The following NELL1 variants were observed in gnomAD, a reference collection of about 807,000 sequenced individuals.
NELL1 encodes the protein neural EGFL like 1.
A neutral mutation model predicts 107.4 loss-of-function variants in NELL1; 76 were observed. That is an observed-to-expected ratio of 0.71 (90% confidence interval 0.59 to 0.86). The LOEUF (loss-of-function observed/expected upper bound fraction) is 0.86, where lower values mean the gene tolerates loss of function less well. NELL1 is among the 40% of genes least tolerant of loss of function. The probability of loss-of-function intolerance (pLI) is 0.00; values close to 1 mark genes in which losing one functional copy is unlikely to be tolerated. For missense variants in NELL1, 1,024 were observed against 1,005.5 expected (o/e 1.02, Z -0.25); for synonymous variants, 353 against 341.2 (o/e 1.03, Z -0.38).
intron 14 of NELL1, among the ~76,000 whole-genome samples, chr11:21,311,585 C>A (rs1849751048): frequency 6.6e-6 from 1 of 152,090 alleles, no homozygotes. Flanking sequence ...CTATTAATGC[C>A]TCAATTAACT....
At chr11:20,892,638 G>A (rs1001798796) in intron 5 of NELL1, among the ~76,000 whole-genome samples, 2 of 152,172 alleles carry the variant, frequency 1.3e-5, no homozygotes, top group South Asian at 2.1e-4. Flanking sequence ...GCGGCCGGGC[G>A]CAGTGGCTCA....
intron 13 of NELL1, among the ~76,000 whole-genome samples, chr11:21,209,794 G>A (rs1857462464): frequency 6.6e-6 from 1 of 152,084 alleles, no homozygotes. Flanking sequence ...AAAAAAAGAA[G>A]CGAAGCTATT....
chr11:21,274,543 G>A (rs1470849330), intron 14 of NELL1, among the ~76,000 whole-genome samples: 4 of 152,132 alleles, frequency 2.6e-5, no homozygotes, highest in Non-Finnish European at 4.4e-5. Flanking sequence ...TCTGCACCAA[G>A]CGGACCTAAT....
In NELL1 at chr11:20,679,960, A is replaced by T. The variant is rs1378455420; in HGVS notation, c.184+1900A>T. ...CCCCTGGGCTGGAACTCTACTTTCT[A>T]ATCTGTGCATTCTCTGTTTTGGCAA... On this transcript the variant is annotated intron_variant, in intron 2 of 19. Transcript: ENST00000357134. 3.9e-5 allele frequency among the ~76,000 whole-genome samples: 6 copies of T among 152,150 alleles called. No homozygotes were observed. In the East Asian group the frequency reaches 1.2e-3, roughly 29 times the overall value.
chr11:20,766,519 T>C (rs918048753), intron 2 of NELL1, among the ~76,000 whole-genome samples: 1 of 152,120 alleles, frequency 6.6e-6, no homozygotes, highest in African/African-American at 2.4e-5. Flanking sequence ...AAACAGAAGA[T>C]CTCACCATGA....
intron 12 of NELL1, among the ~76,000 whole-genome samples, chr11:21,024,164 A>G (rs1852762022): frequency 6.6e-6 from 1 of 152,146 alleles, no homozygotes; most frequent in Non-Finnish European, 1.5e-5. Context: ...TCATTCAGAA[A>G]TTGAGGAAAT....
At chr11:21,170,078 A>G in intron 13 of NELL1, 1 of 1,035,342 alleles carries the variant, frequency 9.7e-7, no homozygotes, top group South Asian at 1.4e-5. Flanking sequence ...CTTGGAGTCC[A>G]AGTTCTTTGA....
chr11:21,070,641 G>C (rs1853989310), intron 12 of NELL1, among the ~76,000 whole-genome samples: 1 of 152,118 alleles, frequency 6.6e-6, no homozygotes, highest in Non-Finnish European at 1.5e-5. Flanking sequence ...TTTGGCACCT[G>C]CTATTTCTTG....
rs78636072 is a variant in NELL1, at chr11:20,695,922, A to G, written c.184+17862A>G. 1.3e-3 allele frequency among the ~76,000 whole-genome samples: 203 copies of G among 151,364 alleles called. 5 individuals are homozygous for G. The East Asian group carries it at 0.034, about 25-fold the overall frequency. On this transcript the variant is annotated intron_variant, in intron 2 of 19. Transcript: ENST00000357134. ...CTGGCCTGGGCTTTTTTTTTGGTAG[A>G]TAGGATTTTTTAAAATTACTTATTC...
rs1487399989 is a variant in NELL1, at chr11:21,495,292, C to T, written c.1646-39082C>T. 3.9e-5 allele frequency among the ~76,000 whole-genome samples: 6 copies of T among 152,040 alleles called. No homozygotes were observed. In the East Asian group the frequency reaches 7.7e-4, roughly 20 times the overall value. On this transcript the variant is annotated intron_variant, in intron 15 of 19. Transcript: ENST00000357134. ...TTTGTGTCTGACATCTTTCACTGAG[C>T]GTAGTGTTTTTCAGGTTCACTCATG...
intron 3 of NELL1, among the ~76,000 whole-genome samples, chr11:20,802,006 T>C (rs2134003188): frequency 6.6e-6 from 1 of 152,334 alleles, no homozygotes; most frequent in Admixed American, 6.5e-5. Context: ...TAATTTGAAG[T>C]CAGGTAATGT....
chr11:20,692,591 T>A (rs12786129), intron 2 of NELL1, among the ~76,000 whole-genome samples: 1 of 149,566 alleles, frequency 6.7e-6, no homozygotes, highest in South Asian at 2.1e-4. Context: ...TGTAGTTGAG[T>A]GGTTTTGAGT....
intron 12 of NELL1, among the ~76,000 whole-genome samples, chr11:21,063,035 A>T (rs557451421): frequency 6.6e-6 from 1 of 151,870 alleles, no homozygotes; most frequent in African/African-American, 2.4e-5. Flanking sequence ...TTTAGGAGAG[A>T]TGAGGTTTCA....
chr11:21,106,412 A>G (rs1470829286), intron 12 of NELL1, among the ~76,000 whole-genome samples: 1 of 152,190 alleles, frequency 6.6e-6, no homozygotes. Context: ...GTGCATAGAA[A>G]ATACTATATA....
At chr11:20,820,789 C>G (rs1159664628) in intron 3 of NELL1, among the ~76,000 whole-genome samples, 1 of 152,198 alleles carries the variant, frequency 6.6e-6, no homozygotes, top group Non-Finnish European at 1.5e-5. Flanking sequence ...CAGATTTACA[C>G]CTTATTAGAG....
intron 12 of NELL1, among the ~76,000 whole-genome samples, chr11:21,087,690 G>T (rs1854427874): frequency 6.6e-6 from 1 of 152,158 alleles, no homozygotes; most frequent in Admixed American, 6.5e-5. Context: ...CAGGCGAATT[G>T]TTTCCCTTTA....
chr11:21,065,304 G>T (rs765337727), intron 12 of NELL1, among the ~76,000 whole-genome samples: 1 of 152,044 alleles, frequency 6.6e-6, no homozygotes, highest in South Asian at 2.1e-4. Flanking sequence ...CCATGTCCTA[G>T]GGTTTGTTAT....
chr11:20,797,340 A>G (rs1357088099), intron 3 of NELL1, among the ~76,000 whole-genome samples: 1 of 151,836 alleles, frequency 6.6e-6, no homozygotes, highest in African/African-American at 2.4e-5. Context: ...TGAGGCGGGT[A>G]GATCACGAAG....
At chr11:20,988,433 A>ATCTATATATACACATGTACATATGTGTG (rs1851897863) in intron 12 of NELL1, among the ~76,000 whole-genome samples, 1 of 121,542 alleles carries the variant, frequency 8.2e-6, no homozygotes, top group African/African-American at 3.9e-5. Flanking sequence ...ATGTGTGTAT[A>ATCTATATATACACATGTACATATGTGTG]TATATCTATA....
Sources: gnomAD v4.1 joint callset for allele counts (sites outside exome capture counted in the v4.1 genomes callset) on GRCh38, gnomAD v4.1.1 for gene constraint, MANE v1.5 for transcripts, NCBI Gene and HGNC (gene_info 2026-07-23, HGNC 2026-07-21) for gene names.